DUOX1: variants seen among roughly 807,000 people sequenced by gnomAD.
DUOX1 encodes NADPH thyroid oxidase 1.
DUOX1 carries 134 observed loss-of-function variants against 181.8 expected under a neutral mutation model. The observed-to-expected ratio is 0.74, with a 90% CI of 0.64 to 0.85. The LOEUF (loss-of-function observed/expected upper bound fraction) is 0.85. DUOX1 is among the 40% of genes least tolerant of loss of function. DUOX1 has a pLI of 0.00. For missense variants in DUOX1, 1,814 were observed against 2,064.4 expected, an observed-to-expected ratio of 0.88 and a Z score of 2.35; for synonymous variants, 798 against 832.5, an observed-to-expected ratio of 0.96 and a Z score of 0.71.
intron 24 of DUOX1, 99 bp from the exon 25 acceptor site, chr15:45,152,178 TGCGGGGGAG>T (rs1319878778): frequency 2.2e-5 from 32 of 1,470,062 alleles, no homozygotes; most frequent in Non-Finnish European, 2.9e-5. Flanking sequence ...GTGAAGACTG[TGCGGGGGAG>T]GCCTGTTGTG....
At position 45,131,923 on chromosome 15, in the gene DUOX1, C is replaced by T. The variant is rs577132089; in HGVS notation, c.-44C>T. On this transcript the variant is annotated 5_prime_UTR_variant, in exon 2 of 34. Coordinates refer to ENST00000389037, the MANE Select transcript of DUOX1 (RefSeq NM_175940.3). The stretch of plus-strand genomic sequence containing the variant: ...CTTTGCCTGTCTTTTTCTAGGGTCT[C>T]CATTTTGGGACATTCTAATCCCTGA... The T allele has an allele frequency of 6.5e-5, 104 of 1,601,854 alleles. No homozygotes were observed. The highest frequency in any genetic ancestry group is 5.0e-4 in the Admixed American group (30 of 60,006).
rs761499822 is a variant in DUOX1 at position 45,153,981 on chromosome 15, G to A, written c.3555G>A (p.Trp1185Ter). 2 of 1,613,428 alleles carry A rather than the reference G, an allele frequency of 1.2e-6. No homozygotes were observed. Among genetic ancestry groups the A allele is most frequent in the Non-Finnish European group, 1.7e-6 (2 of 1,179,494 alleles). Residue 1185 changes from tryptophan to a stop codon, truncating the protein, a stop_gained, in exon 27 of 34, where the codon TGG becomes TGA. Coordinates refer to ENST00000389037, the MANE Select transcript of DUOX1 (RefSeq NM_175940.3). LOFTEE classifies it high-confidence loss of function. Reference protein sequence around the residue: ...GSELPQKYYWWFFQTVPGLTG... With the variant: ...GSELPQKYYW ...AGCTCCCCCAGAAGTATTACTGGTG[G>A]TTCTTCCAGACCGTACCAGGTGAGA...
At position 45,135,538 on chromosome 15, in the gene DUOX1, A is replaced by G; in HGVS notation, c.560A>G (p.Asp187Gly). 8 of 1,558,924 alleles carry G rather than the reference A, an allele frequency of 5.1e-6. No homozygotes were observed. Among genetic ancestry groups the G allele is most frequent in the Non-Finnish European group, 6.9e-6 (8 of 1,152,850 alleles). Residue 187 changes from aspartate to glycine, a missense_variant, in exon 6 of 34, where the codon GAC (aspartate) becomes GGC (glycine). Asp to Gly is a moderately conservative substitution (Grantham distance 94, BLOSUM62 -1). Coordinates refer to ENST00000389037, the MANE Select transcript of DUOX1 (RefSeq NM_175940.3). ...TATGGTTCCTCGCATTCCTGGAGCG[A>G]CGCGCTGCGGAGCTTCTCCAGGGGA... ...AIYGSSHSWS[D>G]ALRSFSRGQL...
intron 9 of DUOX1, among the ~76,000 whole-genome samples, chr15:45,136,850 C>CT (rs1035636396): frequency 1.3e-5 from 2 of 152,042 alleles, no homozygotes; most frequent in African/African-American, 4.8e-5. Context: ...TTACCCTCCC[C>CT]CCCACCATTA....
chr15:45,139,687 C>T, intron 12 of DUOX1, 88 bp downstream of exon 12: 1 of 1,391,286 alleles, frequency 7.2e-7, no homozygotes, highest in South Asian at 1.5e-5. Context: ...GAAACTTGAG[C>T]ACAAGAGACA....
At chr15:45,142,789 G>GGAAGGAATGAAGGAAGGAAGGA (rs1480496555) in intron 15 of DUOX1, among the ~76,000 whole-genome samples, 1 of 139,762 alleles carries the variant, frequency 7.2e-6, no homozygotes, top group African/African-American at 2.7e-5. Flanking sequence ...GGAAGGAAGG[G>GGAAGGAATGAAGGAAGGAAGGA]AGGGAGGAAG....
intron 27 of DUOX1, chr15:45,155,595 G>T: frequency 1.7e-6 from 1 of 596,980 alleles, no homozygotes; most frequent in Non-Finnish European, 2.8e-6. Flanking sequence ...AAAAATCATG[G>T]TGACAAGGGC....
chr15:45,133,091 A>T (rs527791970), intron 2 of DUOX1, among the ~76,000 whole-genome samples: 3 of 152,328 alleles, frequency 2.0e-5, no homozygotes, highest in African/African-American at 7.2e-5. Context: ...GATCAGAAAG[A>T]TCCCTGCTCC....
intron 9 of DUOX1, 145 bp downstream of exon 9, chr15:45,136,770 TG>T: frequency 1.4e-6 from 1 of 740,512 alleles, no homozygotes; most frequent in Non-Finnish European, 2.2e-6. Flanking sequence ...AGAAAACAAT[TG>T]TTTTAAAAGA....
Position 45,153,417 on chromosome 15 carries a change from G to T in DUOX1, c.3462G>T (p.Leu1154=). The change falls in exon 26 of 34, where the codon CTG becomes CTT. Residue 1154 remains leucine, a synonymous_variant. Coordinates refer to ENST00000389037, the MANE Select transcript of DUOX1 (RefSeq NM_175940.3). ...HSVGHVVNVY[L]FSISPLSVLS... is the part of the protein sequence containing the mutation. ...TGGGCCATGTGGTGAATGTGTACCT[G>T]TTCTCCATCAGCCCCCTCAGCGTCC... The T allele has an allele frequency of 6.2e-7, 1 of 1,613,748 alleles. No individual in the cohort carries two copies. The highest frequency in any genetic ancestry group is 8.5e-7 in the Non-Finnish European group (1 of 1,179,964).
chr15:45,143,189 G>C lies in DUOX1; in HGVS notation c.1823-1G>C. 2 of 1,613,832 alleles carry C rather than the reference G, an allele frequency of 1.2e-6. No homozygotes were observed. Among genetic ancestry groups the C allele is most frequent in the Non-Finnish European group, 1.7e-6 (2 of 1,179,818 alleles). On this transcript the variant is annotated splice_acceptor_variant, in intron 15 of 33. Transcript: ENST00000389037. LOFTEE classifies it high-confidence loss of function. ...CTGAACCTCTGCCTCTGCCCTCCCA[G>C]TGAGCCTGCTCAGTGCCTGGATTGT...
chr15:45,136,714 T>C, intron 9 of DUOX1, 89 bp downstream of exon 9: 1 of 1,249,612 alleles, frequency 8.0e-7, no homozygotes, highest in Admixed American at 1.8e-5. Flanking sequence ...CTGTACAGGA[T>C]TATCAGTCTG....
intron 28 of DUOX1, among the ~76,000 whole-genome samples, chr15:45,159,035 C>G (rs1706808): frequency 0.42 from 64,171 of 151,958 alleles, 15,451 homozygotes; most frequent in Non-Finnish European, 0.56. Flanking sequence ...TAAGCTTTGA[C>G]AGGGCAGAGT....
Position 45,139,218 on chromosome 15 carries a change from G to A in DUOX1, c.1216+50G>A, listed in dbSNP as rs376632029. On this transcript the variant is annotated intron_variant, in intron 11 of 33. Transcript: ENST00000389037. ...GTTGTGAACTCCTGGCCTCTGGGAA[G>A]AGGCTCAGCTGGACTTCCAGAACCA... 1.0e-4 allele frequency: 162 copies of A among 1,612,788 alleles called. 3 individuals are homozygous for A. The highest frequency in any genetic ancestry group is 8.9e-4 in the East Asian group (40 of 44,884).
intron 27 of DUOX1, 105 bp downstream of exon 27, chr15:45,154,105 C>A: frequency 9.3e-7 from 1 of 1,077,716 alleles, no homozygotes; most frequent in African/African-American, 1.5e-5. Context: ...TCAGCTCTTC[C>A]GGTGACCCAG....
Position 45,138,031 on chromosome 15 carries a change from A to G in DUOX1, c.1113+17A>G. The G allele has an allele frequency of 6.3e-7, 1 of 1,592,924 alleles. No individual in the cohort carries two copies. On this transcript the variant is annotated intron_variant, in intron 10 of 33. Coordinates refer to ENST00000389037, the MANE Select transcript of DUOX1 (RefSeq NM_175940.3). ...AGCCGTGAGGTCCGAGCTGGGGGCC[A>G]CATATGTGGTGGATGTGTGTGTGTG...
At chr15:45,153,336 C>A in intron 25 of DUOX1, 44 bp from the exon 26 acceptor site, 1 of 1,562,972 alleles carries the variant, frequency 6.4e-7, no homozygotes, top group Non-Finnish European at 8.8e-7. Context: ...TGAGCACCCA[C>A]CCTGGGCTGC....
At chr15:45,138,750 T>C (rs1896406733) in intron 10 of DUOX1, 2 of 277,684 alleles carry the variant, frequency 7.2e-6, no homozygotes, top group African/African-American at 4.4e-5. Flanking sequence ...GTCATACAGC[T>C]GGTTAGTAAC....
At chr15:45,142,980 G>A (rs1384263852) in intron 15 of DUOX1, among the ~76,000 whole-genome samples, 4 of 152,058 alleles carry the variant, frequency 2.6e-5, no homozygotes, top group Non-Finnish European at 4.4e-5. Context: ...AATCTGAGGA[G>A]GAAGGGTGGG....
Sources: gnomAD v4.1 joint callset for allele counts (sites outside exome capture counted in the v4.1 genomes callset) on GRCh38, gnomAD v4.1.1 for gene constraint, MANE v1.5 for transcripts, NCBI Gene and HGNC (gene_info 2026-07-23, HGNC 2026-07-21) for gene names.